Variants in MTSS1 observed in about 807,000 individuals in gnomAD.
MTSS1 encodes the protein MTSS I-BAR domain containing 1, also known as protein MTSS 1.
Under a neutral mutation model 79.0 loss-of-function variants are expected in MTSS1, and 18 were observed. That is an observed-to-expected ratio of 0.23 (90% CI 0.16 to 0.34). The LOEUF (loss-of-function observed/expected upper bound fraction) is 0.34. Among genes scored for constraint, MTSS1 ranks in the 10% least tolerant of loss-of-function variants. The pLI is 1.00. For synonymous variants in MTSS1, 341 were observed against 368.6 expected, an observed-to-expected ratio of 0.93 and a Z score of 0.86; for missense variants, 815 against 986.2, an observed-to-expected ratio of 0.83 and a Z score of 2.33.
At chr8:124,603,850 C>G (rs1431704996) in intron 3 of MTSS1, among the ~76,000 whole-genome samples, 1 of 152,194 alleles carries the variant, frequency 6.6e-6, no homozygotes, top group African/African-American at 2.4e-5. Flanking sequence ...TTGCCTGTGC[C>G]ATTTACAAGA....
At chr8:124,667,881 C>A (rs1823400600) in intron 3 of MTSS1, among the ~76,000 whole-genome samples, 1 of 151,914 alleles carries the variant, frequency 6.6e-6, no homozygotes. Context: ...AGTTCAAGAC[C>A]AGCCTGGGCA....
chr8:124,639,799 C>T (rs1389366877), intron 3 of MTSS1, among the ~76,000 whole-genome samples: 1 of 152,200 alleles, frequency 6.6e-6, no homozygotes, highest in Non-Finnish European at 1.5e-5. Flanking sequence ...ATGACTATTA[C>T]TAACTAAATG....
At position 124,568,978 on chromosome 8, in the gene MTSS1, A is replaced by AGATT. The variant is rs1249780837; in HGVS notation, c.461-443_461-442insAATC. The AGATT allele has an allele frequency of 2.1e-5, 12 of 562,924 alleles. No homozygotes were observed. The Admixed American group carries it at 5.3e-4, about 25-fold the overall frequency. The allele number at this position is 562,924 out of a possible 1,614,324, so 34.9% of individuals were successfully genotyped here. ...TGGCTTTGTTGGGTCAATCTCAATC[A>AGATT]AAGAGCCTCTGTCTGGATAGAAGGA... On this transcript the variant is annotated intron_variant, in intron 6 of 13. Coordinates refer to ENST00000518547, the MANE Select transcript of MTSS1 (RefSeq NM_014751.6).
chr8:124,571,647 G>A (rs16899745), intron 6 of MTSS1, among the ~76,000 whole-genome samples: 2,701 of 152,288 alleles, frequency 0.018, 67 homozygotes, highest in African/African-American at 0.058. Flanking sequence ...GGTGGGCTTT[G>A]ATTATGGTAG....
intron 11 of MTSS1, among the ~76,000 whole-genome samples, chr8:124,557,109 C>T (rs567859502): frequency 7.6e-4 from 116 of 152,292 alleles, no homozygotes; most frequent in African/African-American, 2.8e-3. Flanking sequence ...TTTCAAAGTT[C>T]GTCTTTATAT....
intron 1 of MTSS1, among the ~76,000 whole-genome samples, chr8:124,723,072 A>G (rs1833177476): frequency 6.6e-6 from 1 of 152,240 alleles, no homozygotes; most frequent in Non-Finnish European, 1.5e-5. Context: ...ACATCATTTT[A>G]GCTTTTTTCC....
chr8:124,600,715 C>T (rs1587149562), intron 3 of MTSS1, among the ~76,000 whole-genome samples: 1 of 152,354 alleles, frequency 6.6e-6, no homozygotes, highest in African/African-American at 2.4e-5. Context: ...TCCACTTTCT[C>T]TAAGGAGCTG....
At chr8:124,602,766 A>T (rs1284130085) in intron 3 of MTSS1, among the ~76,000 whole-genome samples, 2 of 152,188 alleles carry the variant, frequency 1.3e-5, no homozygotes, top group African/African-American at 4.8e-5. Flanking sequence ...TCTCCAGGTT[A>T]GACTGGATGA....
intron 3 of MTSS1, among the ~76,000 whole-genome samples, chr8:124,611,654 C>T (rs559411823): frequency 6.6e-6 from 1 of 152,308 alleles, no homozygotes; most frequent in East Asian, 1.9e-4. Context: ...CGGGCTGACA[C>T]AGTGAGACCT....
intron 3 of MTSS1, among the ~76,000 whole-genome samples, chr8:124,696,570 C>T (rs181546952): frequency 2.1e-3 from 316 of 152,194 alleles, no homozygotes; most frequent in African/African-American, 7.4e-3. Flanking sequence ...TATGTCAAAG[C>T]AGCCAGATGC....
intron 3 of MTSS1, among the ~76,000 whole-genome samples, chr8:124,599,482 C>CAAAA (rs202122400): frequency 1.2e-5 from 1 of 85,696 alleles, no homozygotes; most frequent in Non-Finnish European, 2.8e-5. Flanking sequence ...GACTCCGTCT[C>CAAAA]AAAAAAAAAA....
intron 10 of MTSS1, among the ~76,000 whole-genome samples, chr8:124,561,154 G>C (rs576319400): frequency 1.3e-5 from 2 of 152,094 alleles, no homozygotes; most frequent in African/African-American, 4.8e-5. Context: ...CCTAGTGGCC[G>C]GGCGCGGTGG....
intron 3 of MTSS1, among the ~76,000 whole-genome samples, chr8:124,681,684 A>T (rs1826150499): frequency 6.6e-6 from 1 of 152,196 alleles, no homozygotes; most frequent in South Asian, 2.1e-4. Context: ...GCTACTCAGG[A>T]GGCTGAGGCA....
intron 13 of MTSS1, among the ~76,000 whole-genome samples, chr8:124,555,404 C>T (rs935556599): frequency 1.1e-4 from 17 of 152,120 alleles, no homozygotes; most frequent in African/African-American, 4.1e-4. Flanking sequence ...TGCCACCACG[C>T]CCGGCTAATT....
chr8:124,677,754 C>T (rs16899959), intron 3 of MTSS1, among the ~76,000 whole-genome samples: 6,949 of 152,202 alleles, frequency 0.046, 183 homozygotes, highest in East Asian at 0.067. Context: ...AAGGACATTA[C>T]AACAGCATAT....
rs556768841 is a variant in MTSS1, at chr8:124,592,784, C to T, written c.209-1549G>A. 1.2e-4 allele frequency among the ~76,000 whole-genome samples: 18 copies of T among 152,280 alleles called. No individual in the cohort carries two copies. In the South Asian group the frequency reaches 1.2e-3, roughly 11 times the overall value. On this transcript the variant is annotated intron_variant, in intron 3 of 13. Transcript: ENST00000518547. ...TGTTGACATCCTGGGCTGAATGTTG[C>T]TTTGTTGCTGGGCTGGACTGGGCTG...
chr8:124,592,373 G>A (rs544682313), intron 3 of MTSS1, among the ~76,000 whole-genome samples: 1 of 152,116 alleles, frequency 6.6e-6, no homozygotes, highest in African/African-American at 2.4e-5. Flanking sequence ...CGAAAACACT[G>A]GTGTTTGTGA....
At chr8:124,703,544 G>T (rs1447589938) in intron 2 of MTSS1, among the ~76,000 whole-genome samples, 3 of 152,156 alleles carry the variant, frequency 2.0e-5, no homozygotes, top group Admixed American at 1.3e-4. Context: ...GCCTGCCTGG[G>T]CCTCCCAAAG....
intron 3 of MTSS1, among the ~76,000 whole-genome samples, chr8:124,676,166 A>G (rs3915792): frequency 0.81 from 122,774 of 152,242 alleles, 50,242 homozygotes; most frequent in African/African-American, 0.95. Flanking sequence ...ATAAAAAGGT[A>G]TTGATTAATA....
Sources: allele counts gnomAD v4.1 joint callset (sites outside exome capture counted in the v4.1 genomes callset), GRCh38; gene constraint gnomAD v4.1.1; transcripts MANE v1.5; gene names NCBI Gene and HGNC (gene_info 2026-07-23, HGNC 2026-07-21).